SPTBN1: variants seen among roughly 807,000 people sequenced by gnomAD.
SPTBN1 encodes the protein spectrin beta chain, non-erythrocytic 1.
SPTBN1 carries 32 observed loss-of-function variants against 266.4 expected under a neutral mutation model. That is an observed-to-expected ratio of 0.12 (90% CI 0.09 to 0.16). The LOEUF (loss-of-function observed/expected upper bound fraction) is 0.16. Among genes scored for constraint, SPTBN1 ranks in the 10% least tolerant of loss-of-function variants. The probability of loss-of-function intolerance (pLI) is 1.00; values close to 1 mark genes in which losing one functional copy is unlikely to be tolerated. For synonymous variants in SPTBN1, 1,336 were observed against 1,162.2 expected, an observed-to-expected ratio of 1.15 and a Z score of -3.04; for missense variants, 2,296 against 3,067.1, an observed-to-expected ratio of 0.75 and a Z score of 5.94.
intron 1 of SPTBN1, among the ~76,000 whole-genome samples, chr2:54,498,848 A>C (rs776366722): frequency 3.4e-4 from 51 of 152,200 alleles, no homozygotes; most frequent in Non-Finnish European, 6.0e-4. Context: ...GTTGGTGCAT[A>C]GAGACTTGAT....
rs766671096 is a variant in SPTBN1 at position 54,645,178 on chromosome 2, A to G, written c.4270-51A>G. 5 of 1,597,838 alleles carry G rather than the reference A, an allele frequency of 3.1e-6. No homozygotes were observed. The highest frequency in any genetic ancestry group is 4.3e-6 in the Non-Finnish European group (5 of 1,166,874). On this transcript the variant is annotated intron_variant, in intron 20 of 35. Transcript: ENST00000356805. This position sits in a 1 kb window ranked among gnomAD's most constrained non-coding sequence, Gnocchi z 4.3. Reference sequence around the variant, plus strand: ...CCAGCAGTTCTGCTTAGAGCCAGTCACTGCAAAAGATAGTCTGTGCTGAGC... The same window carrying G: ...CCAGCAGTTCTGCTTAGAGCCAGTCGCTGCAAAAGATAGTCTGTGCTGAGC...
intron 1 of SPTBN1, among the ~76,000 whole-genome samples, chr2:54,468,336 A>T (rs982498953): frequency 6.8e-6 from 1 of 147,330 alleles, no homozygotes; most frequent in Admixed American, 6.6e-5. Context: ...AATAAAAAAT[A>T]AAAAAATAAA....
intron 1 of SPTBN1, among the ~76,000 whole-genome samples, chr2:54,456,930 G>GAGCGGAC (rs145364614): frequency 0.19 from 28,759 of 150,436 alleles, 3,455 homozygotes; most frequent in Non-Finnish European, 0.25. Flanking sequence ...GGTGGGTGCG[G>GAGCGGAC]AGCGGACAGC....
At chr2:54,594,419 C>A (rs147369645) in intron 2 of SPTBN1, among the ~76,000 whole-genome samples, 29 of 152,204 alleles carry the variant, frequency 1.9e-4, no homozygotes, top group Non-Finnish European at 3.4e-4. Context: ...TATGAATAAT[C>A]TAGAGATGAT....
chr2:54,607,000 C>T (rs1676886100), intron 3 of SPTBN1, among the ~76,000 whole-genome samples: 1 of 152,224 alleles, frequency 6.6e-6, no homozygotes, highest in Non-Finnish European at 1.5e-5. Context: ...GCACAAATAG[C>T]AAATTCTAGC....
chr2:54,548,851 T>G (rs527917629), intron 2 of SPTBN1, among the ~76,000 whole-genome samples: 1 of 152,288 alleles, frequency 6.6e-6, no homozygotes, highest in East Asian at 1.9e-4. Context: ...GAGGGGGTGT[T>G]ACCTAGGCTG....
At chr2:54,488,612 A>T (rs2069073) in intron 1 of SPTBN1, among the ~76,000 whole-genome samples, 1 of 152,032 alleles carries the variant, frequency 6.6e-6, no homozygotes, top group Non-Finnish European at 1.5e-5. Context: ...CTCAGATTTC[A>T]GTGTTGTGCA....
At chr2:54,469,903 C>G (rs1022383845) in intron 1 of SPTBN1, among the ~76,000 whole-genome samples, 1 of 152,220 alleles carries the variant, frequency 6.6e-6, no homozygotes, top group Non-Finnish European at 1.5e-5. Context: ...GGAAGTGCCT[C>G]TAGCCTGGAG....
intron 7 of SPTBN1, among the ~76,000 whole-genome samples, chr2:54,620,376 A>G (rs557662311): frequency 6.6e-6 from 1 of 152,224 alleles, no homozygotes; most frequent in Non-Finnish European, 1.5e-5. Context: ...ACCTTGATGG[A>G]TAGTAAGAAA....
intron 2 of SPTBN1, among the ~76,000 whole-genome samples, chr2:54,551,466 T>C (rs1333404606): frequency 1.3e-5 from 2 of 152,216 alleles, no homozygotes; most frequent in African/African-American, 4.8e-5. Flanking sequence ...CATGTGTAGA[T>C]AACAGACACG....
rs544281903 is a variant in SPTBN1 at position 54,600,964 on chromosome 2, C to G, written c.300+1721C>G. ...ATAATGTCCACATCATAAATGGGATCAGGCCCATTGCCGTTTTTTCTGAAC... is the reference window on the plus strand; with the variant it reads ...ATAATGTCCACATCATAAATGGGATGAGGCCCATTGCCGTTTTTTCTGAAC... On this transcript the variant is annotated intron_variant, in intron 3 of 35. Coordinates refer to ENST00000356805, the MANE Select transcript of SPTBN1 (RefSeq NM_003128.3). 3.9e-5 allele frequency among the ~76,000 whole-genome samples: 6 copies of G among 152,122 alleles called. No homozygotes were observed. In the East Asian group the frequency reaches 7.7e-4, roughly 20 times the overall value.
chr2:54,657,699 A>G, intron 29 of SPTBN1, 151 bp from the exon 30 acceptor site: 1 of 858,486 alleles, frequency 1.2e-6, no homozygotes, highest in East Asian at 2.7e-5. Context: ...GGCTCACATT[A>G]CATTTACATT....
intron 7 of SPTBN1, among the ~76,000 whole-genome samples, chr2:54,620,480 C>T (rs1378604177): frequency 1.4e-5 from 2 of 148,102 alleles, no homozygotes; most frequent in Non-Finnish European, 3.0e-5. Flanking sequence ...ATGGTGAGGT[C>T]AAGTTTGATT....
intron 2 of SPTBN1, among the ~76,000 whole-genome samples, chr2:54,548,688 ACT>A (rs1315055005): frequency 3.3e-5 from 5 of 151,950 alleles, no homozygotes; most frequent in South Asian, 2.1e-4. Flanking sequence ...TTGCTTTGTA[ACT>A]CTGGGCACAC....
intron 1 of SPTBN1, among the ~76,000 whole-genome samples, chr2:54,495,702 T>G (rs1042305621): frequency 1.6e-5 from 2 of 127,442 alleles, no homozygotes; most frequent in African/African-American, 5.0e-5. Context: ...CTCTGAGCAT[T>G]ATTCCATGTT....
In SPTBN1 at chr2:54,626,909, G is replaced by A. The variant is rs59719174; in HGVS notation, c.1644+675G>A. ...TTCCCAGGAAGAGACCTGCTATCAT[G>A]CCATGGCCCTGTACCTGTTCATGTC... On this transcript the variant is annotated intron_variant, in intron 12 of 35. Transcript: ENST00000356805. This position sits in a 1 kb window ranked among gnomAD's most constrained non-coding sequence, Gnocchi z 4.7. Among the ~76,000 whole-genome samples, 1,535 of 152,222 alleles carry A rather than the reference G, an allele frequency of 0.01. 35 individuals carry two copies. The highest frequency in any genetic ancestry group is 0.035 in the African/African-American group (1,448 of 41,532).
At chr2:54,494,910 T>A (rs201911642) in intron 1 of SPTBN1, among the ~76,000 whole-genome samples, 258 of 90,252 alleles carry the variant, frequency 2.9e-3, no homozygotes, top group African/African-American at 0.021. Flanking sequence ...ATAAAGCTGT[T>A]TTTTTTTAAA....
chr2:54,644,412 T>C lies in SPTBN1; in HGVS notation c.4095T>C (p.Leu1365=), dbSNP rs771895056. ...LTGLHKMWEV[L]ESTTQTKAQR... Reference sequence around the variant, plus strand: ...GTTTACATAAAATGTGGGAAGTCCTTGAATCCACTACCCAGACAAAGGCCC... The same window carrying C: ...GTTTACATAAAATGTGGGAAGTCCTCGAATCCACTACCCAGACAAAGGCCC... Residue 1365 remains leucine (L), a synonymous_variant, in exon 20 of 36, where the codon CTT becomes CTC. Transcript: ENST00000356805. The C allele has an allele frequency of 6.2e-7, 1 of 1,614,234 alleles. No individual in the cohort carries two copies. The highest frequency in any genetic ancestry group is 8.5e-7 in the Non-Finnish European group (1 of 1,180,042).
chr2:54,469,444 C>T (rs542972813), intron 1 of SPTBN1, among the ~76,000 whole-genome samples: 345 of 152,246 alleles, frequency 2.3e-3, no homozygotes, highest in Non-Finnish European at 3.7e-3. Flanking sequence ...CTGAGCTGGG[C>T]TGGGTGGACT....
Sources: gnomAD v4.1 joint callset for allele counts (sites outside exome capture counted in the v4.1 genomes callset) on GRCh38, gnomAD v4.1.1 for gene constraint, Gnocchi (gnomAD v3.1) non-coding constraint, MANE v1.5 for transcripts, NCBI Gene and HGNC (gene_info 2026-07-23, HGNC 2026-07-21) for gene names.